The following SLC25A48 variants were observed in gnomAD, a reference collection of about 807,000 sequenced individuals.
The protein encoded by SLC25A48 is CTC-321K16.1.
Under a neutral mutation model 32.2 loss-of-function variants are expected in SLC25A48, and 29 were observed. The ratio of observed to expected loss-of-function variants is 0.90; its 90% CI spans 0.67 to 1.23. The LOEUF is 1.23. Ranked by LOEUF, SLC25A48 falls within the 50% of genes most tolerant of loss-of-function variation. SLC25A48 has a pLI of 0.00. For synonymous variants in SLC25A48, 164 were observed against 172.3 expected, an observed-to-expected ratio of 0.95 and a Z score of 0.38; for missense variants, 399 against 422.7, an observed-to-expected ratio of 0.94 and a Z score of 0.49.
intron 6 of SLC25A48, among the ~76,000 whole-genome samples, chr5:135,879,617 T>A (rs112841022): frequency 2.6e-4 from 37 of 144,374 alleles, no homozygotes; most frequent in South Asian, 6.3e-4. Context: ...AGAGAGTGTG[T>A]GTGTGTGTGT....
intron 3 of SLC25A48, among the ~76,000 whole-genome samples, chr5:135,747,925 C>A (rs1755677698): frequency 6.6e-6 from 1 of 152,152 alleles, no homozygotes; most frequent in Admixed American, 6.5e-5. Context: ...CGACTGGTGG[C>A]AGGGGAACCA....
At chr5:135,826,721 G>A (rs923421990) in intron 4 of SLC25A48, 1 of 152,192 alleles carries the variant, frequency 6.6e-6, no homozygotes, top group Non-Finnish European at 1.5e-5. Context: ...CAGGCTAAGA[G>A]ATGTTACATA....
At chr5:135,788,648 G>A (rs1371860210) in intron 3 of SLC25A48, among the ~76,000 whole-genome samples, 1 of 150,726 alleles carries the variant, frequency 6.6e-6, no homozygotes. Flanking sequence ...TCCCCATGTG[G>A]CAGGGAGTGT....
intron 3 of SLC25A48, among the ~76,000 whole-genome samples, chr5:135,704,218 A>G (rs933480179): frequency 2.0e-5 from 3 of 152,172 alleles, no homozygotes; most frequent in African/African-American, 4.8e-5. Context: ...TATGGAGCAA[A>G]TTCCCTGAAT....
intron 3 of SLC25A48, among the ~76,000 whole-genome samples, chr5:135,661,852 G>A (rs1753405892): frequency 6.6e-6 from 1 of 152,176 alleles, no homozygotes; most frequent in South Asian, 2.1e-4. Context: ...ACCCTACAGT[G>A]TGGATATACC....
chr5:135,851,478 TTC>T (rs1419984245), intron 3 of SLC25A48, among the ~76,000 whole-genome samples: 11 of 152,190 alleles, frequency 7.2e-5, no homozygotes, highest in African/African-American at 2.7e-4. Context: ...TGCGGGCGGT[TTC>T]TCTGAGACAT....
intron 1 of SLC25A48, among the ~76,000 whole-genome samples, chr5:135,582,369 T>G (rs1457093664): frequency 6.6e-6 from 1 of 151,798 alleles, no homozygotes; most frequent in Non-Finnish European, 1.5e-5. Context: ...GAGATCAGTG[T>G]GAAACTCCTG....
intron 4 of SLC25A48, among the ~76,000 whole-genome samples, chr5:135,861,482 A>G (rs1473201077): frequency 6.6e-6 from 1 of 152,252 alleles, no homozygotes; most frequent in African/African-American, 2.4e-5. Context: ...TCTGCAAAGC[A>G]GGCATAACTA....
chr5:135,646,749 GA>G (rs1752973961), intron 3 of SLC25A48, among the ~76,000 whole-genome samples: 1 of 147,224 alleles, frequency 6.8e-6, no homozygotes, highest in South Asian at 2.2e-4. Context: ...TCATCTCACT[GA>G]AAAGTGGAAT....
chr5:135,679,514 G>A (rs560069633), intron 3 of SLC25A48, among the ~76,000 whole-genome samples: 29 of 152,328 alleles, frequency 1.9e-4, no homozygotes, highest in Admixed American at 2.6e-4. Flanking sequence ...GCAGGTGGCT[G>A]ATGAGCATGC....
intron 3 of SLC25A48, among the ~76,000 whole-genome samples, chr5:135,740,696 T>C (rs1278189455): frequency 6.6e-6 from 1 of 152,112 alleles, no homozygotes; most frequent in Non-Finnish European, 1.5e-5. Context: ...AAAAGCCATC[T>C]AGGGGGTGTT....
At chr5:135,854,953 T>A (rs779162986) in intron 4 of SLC25A48, among the ~76,000 whole-genome samples, 1 of 152,164 alleles carries the variant, frequency 6.6e-6, no homozygotes, top group Non-Finnish European at 1.5e-5. Context: ...CTGGCCTAAT[T>A]TCAAGTTGTT....
intron 3 of SLC25A48, among the ~76,000 whole-genome samples, chr5:135,717,042 T>C (rs1754818407): frequency 6.6e-6 from 1 of 152,206 alleles, no homozygotes; most frequent in Non-Finnish European, 1.5e-5. Flanking sequence ...GCATGATGTT[T>C]TGTCCTGTTG....
At chr5:135,859,777 G>T (rs1359386543) in intron 4 of SLC25A48, among the ~76,000 whole-genome samples, 1 of 152,184 alleles carries the variant, frequency 6.6e-6, no homozygotes, top group Non-Finnish European at 1.5e-5. Flanking sequence ...CAGGAGCAGG[G>T]CTGGTGAGTT....
rs990498480 is a variant in SLC25A48 at position 135,723,609 on chromosome 5, T to C, written c.-521+88653T>C. Among the ~76,000 whole-genome samples, 8 of 151,194 alleles carry C rather than the reference T, an allele frequency of 5.3e-5. No homozygotes were observed. In the South Asian group the frequency reaches 6.3e-4, roughly 12 times the overall value. ...ACAGAAATGTTGCTTTAATCACTCC[T>C]AATCCCATCACTGAAGCAAATCAAC... On this transcript the variant is annotated intron_variant, in intron 3 of 10. Coordinates refer to the SLC25A48 transcript ENST00000646290.
chr5:135,732,547 C>T (rs1167019335), intron 3 of SLC25A48, among the ~76,000 whole-genome samples: 1 of 152,058 alleles, frequency 6.6e-6, no homozygotes, highest in Non-Finnish European at 1.5e-5. Flanking sequence ...TGAAAAATCC[C>T]TGAGGAGTAG....
At chr5:135,723,380 T>TCTCTCTCTCTCACACACACACA (rs1356362581) in intron 3 of SLC25A48, among the ~76,000 whole-genome samples, 25 of 111,712 alleles carry the variant, frequency 2.2e-4, no homozygotes, top group African/African-American at 8.2e-4. Context: ...TCTCTCTCTC[T>TCTCTCTCTCTCACACACACACA]CACACACACA....
intron 3 of SLC25A48, among the ~76,000 whole-genome samples, chr5:135,711,697 A>G (rs1227820799): frequency 6.6e-6 from 1 of 152,214 alleles, no homozygotes; most frequent in Non-Finnish European, 1.5e-5. Flanking sequence ...AAGTCTTTCC[A>G]GCGCATTAAA....
chr5:135,664,670 GAC>G (rs34809269), intron 3 of SLC25A48, among the ~76,000 whole-genome samples: 65,229 of 151,794 alleles, frequency 0.43, 15,063 homozygotes, highest in South Asian at 0.52. Flanking sequence ...TATAAATGAA[GAC>G]ACACAGTATT....
Sources: gnomAD v4.1 joint callset for allele counts (sites outside exome capture counted in the v4.1 genomes callset) on GRCh38, gnomAD v4.1.1 for gene constraint, MANE v1.5 for transcripts, NCBI Gene and HGNC (gene_info 2026-07-23, HGNC 2026-07-21) for gene names.